The following RNF150 variants were observed in gnomAD, a reference collection of about 807,000 sequenced individuals.
RNF150 encodes ring finger protein 150.
A neutral mutation model predicts 39.3 loss-of-function variants in RNF150; 24 were observed. The observed-to-expected ratio is 0.61, with a 90% CI of 0.44 to 0.86. The LOEUF is 0.86. Among genes scored for constraint, RNF150 ranks in the 40% least tolerant of loss-of-function variants. The pLI, the probability that RNF150 is intolerant of heterozygous loss-of-function variation, is 0.00. For missense variants in RNF150, 502 were observed against 587.8 expected, an observed-to-expected ratio of 0.85 and a Z score of 1.51; for synonymous variants, 255 against 227.3, an observed-to-expected ratio of 1.12 and a Z score of -1.10.
upstream of RNF150, among the ~76,000 whole-genome samples, chr4:141,135,904 T>G (rs145336105): frequency 4.1e-3 from 625 of 152,330 alleles, 6 homozygotes; most frequent in African/African-American, 0.014. Flanking sequence ...TGTACCTCCT[T>G]ATGAAATGCA....
chr4:141,079,566 A>C (rs1738071142), intron 1 of RNF150, among the ~76,000 whole-genome samples: 1 of 152,220 alleles, frequency 6.6e-6, no homozygotes, highest in Admixed American at 6.5e-5. Flanking sequence ...AGTGCCTTGC[A>C]CAAGGTGAGT....
chr4:140,874,940 C>T (rs993570108), intron 6 of RNF150, among the ~76,000 whole-genome samples: 7 of 152,172 alleles, frequency 4.6e-5, no homozygotes, highest in Non-Finnish European at 1.0e-4. Context: ...GCTGGGATTA[C>T]AGACATAAGC....
intron 1 of RNF150, among the ~76,000 whole-genome samples, chr4:141,027,126 T>C (rs1313211444): frequency 6.6e-6 from 1 of 152,150 alleles, no homozygotes; most frequent in Non-Finnish European, 1.5e-5. Context: ...TCATTCCTCT[T>C]CAGTGGGTCT....
chr4:140,998,553 A>G (rs1734466824), intron 1 of RNF150, among the ~76,000 whole-genome samples: 1 of 152,226 alleles, frequency 6.6e-6, no homozygotes, highest in Admixed American at 6.5e-5. Context: ...GCAGCCTGAG[A>G]AGATTAATAC....
chr4:141,105,522 C>T (rs1166879201), intron 1 of RNF150, among the ~76,000 whole-genome samples: 1 of 152,176 alleles, frequency 6.6e-6, no homozygotes, highest in Non-Finnish European at 1.5e-5. Context: ...CAAATGCTCT[C>T]CCCTGCCCAG....
rs116163375 is a variant in RNF150, at chr4:141,080,192, G to A, written c.484+52133C>T. On this transcript the variant is annotated intron_variant, in intron 1 of 6. Transcript: ENST00000515673. ...GCTGTGACAGGAAGATTTACCTGCA[G>A]CTGCAAAATCAATCTCTCCATAATC... is the stretch of plus-strand genomic sequence containing the variant. 5.3e-3 allele frequency among the ~76,000 whole-genome samples: 807 copies of A among 152,338 alleles called. 3 individuals are homozygous for A. Among genetic ancestry groups the A allele is most frequent in the Non-Finnish European group, 9.4e-3 (639 of 68,014 alleles).
Position 141,133,159 on chromosome 4 carries a change from C to A in RNF150, c.-351G>T, listed in dbSNP as rs980027952. ...TCTCATAAGGGTGGCCGGGGGCCCA[C>A]GAACTTGCAGGGTGGCGGCCCTGCG... On this transcript the variant is annotated 5_prime_UTR_variant, in exon 1 of 7. Transcript: ENST00000515673. The A allele has an allele frequency of 3.8e-6, 1 of 261,228 alleles. No individual in the cohort carries two copies. Among genetic ancestry groups the A allele is most frequent in the African/African-American group, 2.4e-5 (1 of 42,374 alleles). 16.2% of individuals were successfully genotyped at this position (261,228 alleles called of 1,614,324 possible).
chr4:141,172,530 C>T (rs1223995696), intron 1 of RNF150, among the ~76,000 whole-genome samples: 1 of 64,216 alleles, frequency 1.6e-5, no homozygotes, highest in Admixed American at 2.2e-4. Flanking sequence ...TTTGAGATAT[C>T]GTGGACTTAG....
intron 4 of RNF150, among the ~76,000 whole-genome samples, chr4:140,947,370 C>A (rs552520051): frequency 6.6e-6 from 1 of 152,138 alleles, no homozygotes; most frequent in Non-Finnish European, 1.5e-5. Context: ...TTGTACTTGG[C>A]GGCCACATCA....
chr4:141,200,320 C>G (rs1237126531), intron 1 of RNF150, among the ~76,000 whole-genome samples: 1 of 151,840 alleles, frequency 6.6e-6, no homozygotes. Context: ...ATGAGGATTC[C>G]ATCCTCATGA....
chr4:141,021,286 T>TA (rs1055565037), intron 1 of RNF150, among the ~76,000 whole-genome samples: 2 of 152,014 alleles, frequency 1.3e-5, no homozygotes, highest in African/African-American at 2.4e-5. Flanking sequence ...ATCATAGAAA[T>TA]AAAAAAATCT....
At chr4:141,185,792 T>C (rs1727997539) in intron 1 of RNF150, among the ~76,000 whole-genome samples, 1 of 152,250 alleles carries the variant, frequency 6.6e-6, no homozygotes, top group South Asian at 2.1e-4. Context: ...GATAATCATG[T>C]GGTTTTTGTG....
chr4:141,192,711 C>T (rs574656716), intron 1 of RNF150, among the ~76,000 whole-genome samples: 3 of 152,196 alleles, frequency 2.0e-5, no homozygotes, highest in Non-Finnish European at 4.4e-5. Context: ...GTCCTATCAC[C>T]AACAACACCC....
intron 5 of RNF150, among the ~76,000 whole-genome samples, chr4:140,921,187 AATAATAATAATAAT>A (rs1731119142): frequency 6.6e-6 from 1 of 150,566 alleles, no homozygotes; most frequent in African/African-American, 2.4e-5. Context: ...TAATAATAAT[AATAATAATAATAAT>A]ATAATTGATA....
intron 1 of RNF150, among the ~76,000 whole-genome samples, chr4:141,169,234 C>T (rs1302650832): frequency 6.6e-6 from 1 of 152,034 alleles, no homozygotes; most frequent in African/African-American, 2.4e-5. Flanking sequence ...TAGCACCGCC[C>T]CCTTTTTTCT....
chr4:141,048,905 C>T (rs577874332), intron 1 of RNF150, among the ~76,000 whole-genome samples: 14 of 152,314 alleles, frequency 9.2e-5, no homozygotes, highest in African/African-American at 2.4e-4. Context: ...CATAATACTT[C>T]TCTCATTGCT....
intron 1 of RNF150, among the ~76,000 whole-genome samples, chr4:141,116,974 CA>C (rs1560747114): frequency 5.9e-5 from 9 of 151,608 alleles, no homozygotes; most frequent in African/African-American, 1.9e-4. Flanking sequence ...GGGAACATCA[CA>C]CACCGGAGCC....
At chr4:141,126,095 T>TACACACAC (rs139608178) in intron 1 of RNF150, among the ~76,000 whole-genome samples, 3,653 of 150,150 alleles carry the variant, frequency 0.024, 54 homozygotes, top group Middle Eastern at 0.044. Flanking sequence ...AATAAATACA[T>TACACACAC]ACACACACAC....
At chr4:140,906,067 G>C (rs1342415559) in intron 6 of RNF150, among the ~76,000 whole-genome samples, 1 of 152,056 alleles carries the variant, frequency 6.6e-6, no homozygotes, top group Non-Finnish European at 1.5e-5. Context: ...AATTTTTTGG[G>C]GTATGTGTTT....
Sources: gnomAD v4.1 joint callset for allele counts (sites outside exome capture counted in the v4.1 genomes callset) on GRCh38, gnomAD v4.1.1 for gene constraint, MANE v1.5 for transcripts, NCBI Gene and HGNC (gene_info 2026-07-23, HGNC 2026-07-21) for gene names.